NLRP2: variants seen among roughly 807,000 people sequenced by gnomAD.
NLRP2 encodes the protein NLR family pyrin domain containing 2, also known as NACHT, LRR and PYD domains-containing protein 2.
Under a neutral mutation model 97.2 loss-of-function variants are expected in NLRP2, and 107 were observed. That is an observed-to-expected ratio of 1.10 (90% CI 0.94 to 1.29). The LOEUF (loss-of-function observed/expected upper bound fraction) is 1.29, where lower values mean the gene tolerates loss of function less well. Ranked by LOEUF, NLRP2 falls within the 50% of genes most tolerant of loss-of-function variation. NLRP2 has a pLI of 0.00. For missense variants in NLRP2, 1,495 were observed against 1,330.3 expected (o/e 1.12, Z -1.93); for synonymous variants, 663 against 551.5 (o/e 1.20, Z -2.83).
In NLRP2 at chr19:54,990,550, T is replaced by C; in HGVS notation, c.2586T>C (p.Ala862=). The C allele has an allele frequency of 1.2e-6, 2 of 1,614,198 alleles. No homozygotes were observed. The highest frequency in any genetic ancestry group is 8.5e-7 in the Non-Finnish European group (1 of 1,180,044). ...AAGCCAATTGCAAGGACCTTGCTGC[T>C]GTGTTGGTTGTCAGCCGGGAGCTGA... ...LTEANCKDLA[A]VLVVSRELTH... is the part of the protein sequence containing the mutation. The change falls in exon 10 of 13, where the codon GCT becomes GCC. Residue 862 remains alanine, a synonymous_variant. Transcript: ENST00000448584.
intron 12 of NLRP2, among the ~76,000 whole-genome samples, 193 bp from the exon 13 acceptor site, chr19:55,000,567 T>C (rs1165273785): frequency 2.0e-4 from 30 of 147,850 alleles, no homozygotes; most frequent in Non-Finnish European, 2.1e-4. Context: ...GCGTGAGCCA[T>C]CACGCCCCAC....
At chr19:54,983,965 C>T (rs1436373577) in intron 6 of NLRP2, among the ~76,000 whole-genome samples, 1 of 152,146 alleles carries the variant, frequency 6.6e-6, no homozygotes, top group Non-Finnish European at 1.5e-5. Context: ...ATTCTTCTGC[C>T]TCAGCCTCCT....
intron 6 of NLRP2, 106 bp from the exon 7 acceptor site, chr19:54,984,941 C>A: frequency 9.5e-7 from 1 of 1,053,622 alleles, no homozygotes; most frequent in Non-Finnish European, 1.5e-6. Flanking sequence ...CATGGTCCAG[C>A]TTTCAATTGT....
intron 11 of NLRP2, among the ~76,000 whole-genome samples, chr19:54,995,311 C>A (rs1184175340): frequency 6.7e-6 from 1 of 150,186 alleles, no homozygotes; most frequent in Non-Finnish European, 1.5e-5. Context: ...CTGCCTTAGC[C>A]TCCCACATAG....
chr19:54,997,566 T>C (rs1250890321), intron 12 of NLRP2, 79 bp downstream of exon 12: 3 of 1,412,588 alleles, frequency 2.1e-6, no homozygotes, highest in South Asian at 1.1e-5. Context: ...GGACCTGCTG[T>C]AGGAGACTGA....
At position 54,990,152 on chromosome 19, in the gene NLRP2, A is replaced by G. The variant is rs2072371550; in HGVS notation, c.2497A>G (p.Thr833Ala). 1 of 1,614,012 alleles carries G rather than the reference A, an allele frequency of 6.2e-7. No homozygotes were observed. Among genetic ancestry groups the G allele is most frequent in the South Asian group, 1.1e-5 (1 of 91,088 alleles). ...GGATGAGGGTGCTAAGTTGCTGTAC[A>G]CAACTTTGAGACACCCCAAGTGCTT... ...LLDEGAKLLY[T>A]TLRHPKCFLQ... is the part of the protein sequence containing the mutation. The change falls in exon 9 of 13, where the codon ACA becomes GCA. Residue 833 changes from threonine (T) to alanine (A), a missense_variant. Thr to Ala is a moderately conservative substitution (Grantham distance 58). Transcript: ENST00000448584.
intron 2 of NLRP2, 101 bp downstream of exon 2, chr19:54,970,396 G>A (rs541249594): frequency 3.2e-5 from 45 of 1,414,556 alleles, no homozygotes; most frequent in South Asian, 7.0e-5. Flanking sequence ...CACGCCTGTC[G>A]TCCCAGCCCT....
chr19:54,995,651 G>A (rs1301735619), intron 11 of NLRP2, among the ~76,000 whole-genome samples: 3 of 152,028 alleles, frequency 2.0e-5, no homozygotes, highest in East Asian at 1.9e-4. Flanking sequence ...ATCAGCAGGT[G>A]AGTGGTCTCA....
chr19:54,991,866 T>C (rs1380756643), intron 10 of NLRP2, among the ~76,000 whole-genome samples: 1 of 142,776 alleles, frequency 7.0e-6, no homozygotes. Context: ...AAAAAAAAAA[T>C]TGTATCTGCA....
intron 4 of NLRP2, among the ~76,000 whole-genome samples, chr19:54,978,376 A>G (rs2071379041): frequency 6.6e-6 from 1 of 151,972 alleles, no homozygotes; most frequent in African/African-American, 2.4e-5. Context: ...CTGGGACTAC[A>G]GGTGCATGCC....
chr19:54,972,632 A>ATATATTTTT (rs772776588), intron 2 of NLRP2, among the ~76,000 whole-genome samples: 299 of 151,732 alleles, frequency 2.0e-3, no homozygotes, highest in Middle Eastern at 0.01. Context: ...ATATATATAT[A>ATATATTTTT]TTTTTGTAGA....
intron 12 of NLRP2, among the ~76,000 whole-genome samples, chr19:54,998,025 C>CTTTTTTTTTT (rs757893808): frequency 1.4e-4 from 18 of 127,296 alleles, no homozygotes; most frequent in African/African-American, 4.6e-4. Context: ...TTTTTTCTTT[C>CTTTTTTTTTT]TTTTTTTTTT....
intron 12 of NLRP2, 114 bp from the exon 13 acceptor site, chr19:55,000,646 C>A: frequency 2.9e-6 from 3 of 1,028,958 alleles, no homozygotes; most frequent in Non-Finnish European, 4.5e-6. Context: ...CTAGAATAAT[C>A]AGGAAAGGTG....
At chr19:54,988,077 A>G (rs2072217466) in intron 8 of NLRP2, among the ~76,000 whole-genome samples, 1 of 152,128 alleles carries the variant, frequency 6.6e-6, no homozygotes, top group South Asian at 2.1e-4. Context: ...CTCTGGCTCT[A>G]CTGATACAAT....
In NLRP2 at chr19:54,973,970, A is replaced by G. The variant is rs539863109; in HGVS notation, c.281-530A>G. The G allele has an allele frequency of 1.8e-4, 194 of 1,095,476 alleles. 1 individual carries two copies. In the African/African-American group the frequency reaches 2.9e-3, roughly 16 times the overall value. The allele number at this position is 1,095,476 out of a possible 1,614,324, so 67.9% of individuals were successfully genotyped here. On this transcript the variant is annotated intron_variant, in intron 2 of 12. Coordinates refer to ENST00000448584, the MANE Select transcript of NLRP2 (RefSeq NM_017852.5). ...TGGCTATGGTGGGCAGACTAAGCCG[A>G]TTTTCCGGAAAAAGGCTAAAACTAC...
chr19:54,985,167 G>A lies in NLRP2; in HGVS notation c.2151G>A (p.Arg717=), dbSNP rs774460568. Reference sequence around the variant, plus strand: ...GCTTTCTCAGTGCCTCCCTAGTAAGGATCCTGTGTGAACAAATAGCCTCTG... The same window carrying A: ...GCTTTCTCAGTGCCTCCCTAGTAAGAATCCTGTGTGAACAAATAGCCTCTG... ...NDSFLSASLV[R]ILCEQIASDT... The change falls in exon 7 of 13, where the codon AGG becomes AGA. Residue 717 remains arginine (R), a synonymous_variant. Coordinates refer to ENST00000448584, the MANE Select transcript of NLRP2 (RefSeq NM_017852.5). 26 of 1,614,072 alleles carry A rather than the reference G, an allele frequency of 1.6e-5. No individual in the cohort carries two copies. The South Asian group carries it at 1.6e-4, about 10-fold the overall frequency.
Position 54,990,130 on chromosome 19 carries a change from T to C in NLRP2, c.2475T>C (p.Asp825=). 6.2e-7 allele frequency: 1 copy of C among 1,614,166 alleles called. No homozygotes were observed. Among genetic ancestry groups the C allele is most frequent in the Non-Finnish European group, 8.5e-7 (1 of 1,180,030 alleles). ...CVNLSDNELL[D]EGAKLLYTTL... ...ACCTCTCCGACAATGAGCTTCTGGA[T>C]GAGGGTGCTAAGTTGCTGTACACAA... Residue 825 remains aspartate, a synonymous_variant, in exon 9 of 13, where the codon GAT becomes GAC. Coordinates refer to ENST00000448584, the MANE Select transcript of NLRP2 (RefSeq NM_017852.5).
chr19:54,997,832 C>T (rs1222551825), intron 12 of NLRP2, among the ~76,000 whole-genome samples: 10 of 143,500 alleles, frequency 7.0e-5, no homozygotes, highest in Admixed American at 2.1e-4. Flanking sequence ...AATGATGGCT[C>T]GCTGCAGGCT....
intron 7 of NLRP2, among the ~76,000 whole-genome samples, chr19:54,985,707 A>G (rs1015441537): frequency 1.3e-5 from 2 of 149,552 alleles, no homozygotes; most frequent in Non-Finnish European, 3.0e-5. Context: ...AAGAAAAAGA[A>G]AAAAAGGGCC....
Sources: gnomAD v4.1 joint callset for allele counts (sites outside exome capture counted in the v4.1 genomes callset) on GRCh38, gnomAD v4.1.1 for gene constraint, MANE v1.5 for transcripts, NCBI Gene and HGNC (gene_info 2026-07-23, HGNC 2026-07-21) for gene names.